OSBPL1A: variants seen among roughly 807,000 people sequenced by gnomAD.
OSBPL1A encodes the protein oxysterol binding protein like 1A, also known as oxysterol-binding protein-related protein 1.
In OSBPL1A, 80 loss-of-function variants were observed where a neutral mutation model predicts 137.1. That is an observed-to-expected ratio of 0.58 (90% confidence interval 0.49 to 0.70). The LOEUF is 0.70. Ranked by LOEUF, OSBPL1A falls within the 30% of genes least tolerant of loss-of-function variation. The pLI, the probability that OSBPL1A is intolerant of heterozygous loss-of-function variation, is 0.00. For missense variants in OSBPL1A, 970 were observed against 1,129.4 expected, an observed-to-expected ratio of 0.86 and a Z score of 2.02; for synonymous variants, 365 against 389.7, an observed-to-expected ratio of 0.94 and a Z score of 0.75.
chr18:24,368,962 CAGTG>C (rs1245238724), intron 2 of OSBPL1A, among the ~76,000 whole-genome samples: 1 of 152,140 alleles, frequency 6.6e-6, no homozygotes, highest in Non-Finnish European at 1.5e-5. Flanking sequence ...ATTCTCGTGA[CAGTG>C]AGTGAGTTCT....
intron 17 of OSBPL1A, among the ~76,000 whole-genome samples, chr18:24,219,306 A>G (rs8086994): frequency 0.02 from 3,035 of 152,170 alleles, 93 homozygotes; most frequent in African/African-American, 0.069. Flanking sequence ...ACAAATAAAA[A>G]TAAATCAGAA....
In OSBPL1A at chr18:24,243,370, G is replaced by C. The variant is rs1376257989; in HGVS notation, c.1282-3988C>G. Among the ~76,000 whole-genome samples the C allele has an allele frequency of 1.3e-5, 2 of 152,076 alleles. 1 individual carries two copies. The highest frequency in any genetic ancestry group is 1.3e-4 in the Admixed American group (2 of 15,264). On this transcript the variant is annotated intron_variant, in intron 15 of 27. Coordinates refer to ENST00000319481, the MANE Select transcript of OSBPL1A (RefSeq NM_080597.4). ...AAGAAAATCCAAATTCTTCACCCCT[G>C]CCTACCCCATCTCTTTCCCCTTTTT...
chr18:24,315,300 G>T (rs932714088), intron 11 of OSBPL1A, among the ~76,000 whole-genome samples: 6 of 151,982 alleles, frequency 3.9e-5, no homozygotes, highest in African/African-American at 4.8e-5. Context: ...GAGAACAGGG[G>T]AATCCCCCAA....
intron 18 of OSBPL1A, among the ~76,000 whole-genome samples, chr18:24,195,233 T>C (rs1376582302): frequency 1.3e-5 from 2 of 151,984 alleles, no homozygotes; most frequent in African/African-American, 4.8e-5. Flanking sequence ...CTGGGGAGGT[T>C]GAGGCTACAG....
chr18:24,247,533 G>C (rs1254761894), intron 15 of OSBPL1A, among the ~76,000 whole-genome samples: 1 of 152,176 alleles, frequency 6.6e-6, no homozygotes, highest in Non-Finnish European at 1.5e-5. Context: ...TGTGATCTCA[G>C]CTCACTGCAA....
chr18:24,246,433 C>CT (rs1047337385), intron 15 of OSBPL1A, among the ~76,000 whole-genome samples: 1 of 151,810 alleles, frequency 6.6e-6, no homozygotes, highest in Non-Finnish European at 1.5e-5. Context: ...ATTTTATTTA[C>CT]TTTTTACTAT....
chr18:24,167,534 G>C, intron 24 of OSBPL1A, 89 bp from the exon 25 acceptor site: 5 of 1,070,510 alleles, frequency 4.7e-6, no homozygotes, highest in Non-Finnish European at 7.3e-6. Context: ...GTCAACAACA[G>C]ACTGTAAATA....
chr18:24,183,295 C>CT (rs1275142974), intron 18 of OSBPL1A, among the ~76,000 whole-genome samples: 7 of 152,126 alleles, frequency 4.6e-5, no homozygotes, highest in Non-Finnish European at 8.8e-5. Context: ...GAAAATGTCT[C>CT]TTTACTTCCC....
In OSBPL1A at chr18:24,333,095, T is replaced by TA; in HGVS notation, c.481-10dup. The TA allele has an allele frequency of 1.2e-6, 2 of 1,611,288 alleles. No homozygotes were observed. Among genetic ancestry groups the TA allele is most frequent in the Non-Finnish European group, 8.5e-7 (1 of 1,178,638 alleles). On this transcript the variant is annotated splice_polypyrimidine_tract_variant and intron_variant, in intron 6 of 27. Coordinates refer to ENST00000319481, the MANE Select transcript of OSBPL1A (RefSeq NM_080597.4). ...GGATTGGGCCTGTTGAGCTAACAATTAAAAAAATGCAATGCAGAATTATAT... is the reference window on the plus strand; with the variant it reads ...GGATTGGGCCTGTTGAGCTAACAATTAAAAAAAATGCAATGCAGAATTATAT...
At chr18:24,315,490 T>C (rs1002282282) in intron 11 of OSBPL1A, among the ~76,000 whole-genome samples, 1 of 150,314 alleles carries the variant, frequency 6.7e-6, no homozygotes, top group African/African-American at 2.4e-5. Flanking sequence ...CTTGCTGCAA[T>C]GGACAACACT....
intron 15 of OSBPL1A, among the ~76,000 whole-genome samples, chr18:24,241,237 T>C (rs896036866): frequency 1.3e-5 from 2 of 152,004 alleles, no homozygotes; most frequent in Non-Finnish European, 2.9e-5. Flanking sequence ...ATGTCTAAAA[T>C]ACCAAAAGCA....
At chr18:24,384,992 T>C (rs1426590438) in intron 1 of OSBPL1A, among the ~76,000 whole-genome samples, 3 of 151,516 alleles carry the variant, frequency 2.0e-5, no homozygotes, top group Non-Finnish European at 4.4e-5. Context: ...TCTTGCTCTG[T>C]TGGCCAGGCT....
chr18:24,243,665 G>GAGAC (rs1224829583), intron 15 of OSBPL1A, among the ~76,000 whole-genome samples: 18 of 152,182 alleles, frequency 1.2e-4, no homozygotes, highest in African/African-American at 4.3e-4. Context: ...TTGTTCTTGA[G>GAGAC]AGACAGTAAA....
chr18:24,317,380 C>G lies in OSBPL1A; in HGVS notation c.753G>C (p.Trp251Cys). 6.2e-7 allele frequency: 1 copy of G among 1,613,658 alleles called. No homozygotes were observed. The highest frequency in any genetic ancestry group is 8.5e-7 in the Non-Finnish European group (1 of 1,179,756). The change falls in exon 10 of 28, where the codon TGG becomes TGC. Residue 251 changes from tryptophan (W) to cysteine (C), a missense_variant. Around this residue, in one of 2 missense-constraint regions of OSBPL1A, gnomAD observed 647 missense variants for 672.6 expected, o/e 0.96. Coordinates refer to ENST00000319481, the MANE Select transcript of OSBPL1A (RefSeq NM_080597.4). Reference sequence around the variant, plus strand: ...GCTCTAACACTACCCAGAATAATCTCCAGCCAAAAAATCTTGAACTCTAAG... The same window carrying G: ...GCTCTAACACTACCCAGAATAATCTGCAGCCAAAAAATCTTGAACTCTAAG... Reference protein sequence around the residue: ...PLWKSSRFFGWRLFWVVLEHG... With the variant: ...PLWKSSRFFGCRLFWVVLEHG...
intron 14 of OSBPL1A, among the ~76,000 whole-genome samples, chr18:24,284,396 G>GA (rs1226396471): frequency 1.3e-5 from 2 of 151,954 alleles, no homozygotes; most frequent in African/African-American, 4.8e-5. Flanking sequence ...TGATTTTCAG[G>GA]AAAAAAGTTA....
chr18:24,238,899 T>C (rs2088587626), intron 16 of OSBPL1A, among the ~76,000 whole-genome samples: 1 of 152,334 alleles, frequency 6.6e-6, no homozygotes, highest in East Asian at 1.9e-4. Context: ...CAATATGTGC[T>C]AATGCCTGGC....
chr18:24,357,683 G>A (rs187824344), intron 4 of OSBPL1A: 2 of 152,084 alleles, frequency 1.3e-5, no homozygotes, highest in African/African-American at 4.8e-5. Context: ...AGGAGAAGAG[G>A]CTTCTTCTCC....
chr18:24,261,471 T>C (rs966155962), intron 15 of OSBPL1A, among the ~76,000 whole-genome samples: 1 of 152,148 alleles, frequency 6.6e-6, no homozygotes. Context: ...AGGAAGGGCA[T>C]AGTAAAAAAA....
At chr18:24,324,455 T>TAAAAAAAAA (rs145135815) in intron 7 of OSBPL1A, among the ~76,000 whole-genome samples, 1 of 12,974 alleles carries the variant, frequency 7.7e-5, no homozygotes, top group South Asian at 2.0e-3. Context: ...CTGAAAAAGT[T>TAAAAAAAAA]AAAAAAAAAA....
Sources: gnomAD v4.1 joint callset for allele counts (sites outside exome capture counted in the v4.1 genomes callset) on GRCh38, gnomAD v4.1.1 for gene constraint, gnomAD v4.1.1 regional missense constraint, MANE v1.5 for transcripts, NCBI Gene and HGNC (gene_info 2026-07-23, HGNC 2026-07-21) for gene names.